VPS4B: variants seen among roughly 807,000 people sequenced by gnomAD.
VPS4B encodes the protein vacuolar protein sorting 4 homolog B, also known as vacuolar protein sorting-associated protein 4B.
A neutral mutation model predicts 56.1 loss-of-function variants in VPS4B; 23 were observed. That is an observed-to-expected ratio of 0.41 (90% CI 0.30 to 0.58). The LOEUF is 0.58. VPS4B is among the 20% of genes least tolerant of loss of function. VPS4B has a pLI of 0.29. For missense variants in VPS4B, 372 were observed against 531.9 expected (o/e 0.70, Z 2.96); for synonymous variants, 177 against 186.0 (o/e 0.95, Z 0.39).
intron 1 of VPS4B, 33 bp downstream of exon 1, chr18:63,422,200 C>A: frequency 6.8e-7 from 1 of 1,475,858 alleles, no homozygotes; most frequent in Non-Finnish European, 9.0e-7. Context: ...TCGATCCCAG[C>A]TCCCTAGGGG....
chr18:63,402,181 A>C (rs1915826716), intron 5 of VPS4B, among the ~76,000 whole-genome samples: 1 of 152,228 alleles, frequency 6.6e-6, no homozygotes, highest in Admixed American at 6.5e-5. Flanking sequence ...TCAGTGTCTG[A>C]GTATGGTACA....
chr18:63,399,173 C>T lies in VPS4B; in HGVS notation c.872+69G>A, dbSNP rs914002592. On this transcript the variant is annotated intron_variant, in intron 8 of 10. Transcript: ENST00000238497. ...GTTGTTAGAATGCTTCCTGACAAGA[C>T]AAAAAGAGAATTATCATCTACTTGT... 34 of 1,412,172 alleles carry T rather than the reference C, an allele frequency of 2.4e-5. No individual in the cohort carries two copies. The African/African-American group carries it at 3.4e-4, about 14-fold the overall frequency. 87.5% of individuals were successfully genotyped at this position (1,412,172 alleles called of 1,614,324 possible). A position where few individuals can be genotyped will look rare whatever the true frequency, so the allele number is the denominator to read the frequency against.
intron 1 of VPS4B, 28 bp from the exon 2 acceptor site, chr18:63,411,606 T>C: frequency 6.8e-7 from 1 of 1,472,912 alleles, no homozygotes; most frequent in Non-Finnish European, 9.1e-7. Flanking sequence ...AATAACAACA[T>C]TTAAATCAAA....
At position 63,389,743 on chromosome 18, in the gene VPS4B, T is replaced by A. The variant is rs1915501308; in HGVS notation, c.*1232A>T. Reference sequence around the variant, plus strand: ...AAAAGGTGAAGGACAAGACCCCATATTATTATCCTGTATTAAAAAAGGAAA... The same window carrying A: ...AAAAGGTGAAGGACAAGACCCCATAATATTATCCTGTATTAAAAAAGGAAA... On this transcript the variant is annotated 3_prime_UTR_variant, in exon 11 of 11. Coordinates refer to ENST00000238497, the MANE Select transcript of VPS4B (RefSeq NM_004869.4). The A allele has an allele frequency of 6.5e-6, 1 of 152,682 alleles. No individual in the cohort carries two copies. The highest frequency in any genetic ancestry group is 2.4e-5 in the African/African-American group (1 of 41,468). The allele number at this position is 152,682 out of a possible 1,614,324, so 9.5% of individuals were successfully genotyped here. A position where few individuals can be genotyped will look rare whatever the true frequency, so the allele number is the denominator to read the frequency against.
rs532297801 is a variant in VPS4B, at chr18:63,422,468, A to T, written c.-209T>A. ...TCCCCACCAAACTTCCGCAATCCCG[A>T]GGCCCTCTAGGTTCTGGTCCCGCCT... On this transcript the variant is annotated 5_prime_UTR_variant, in exon 1 of 11. Coordinates refer to ENST00000238497, the MANE Select transcript of VPS4B (RefSeq NM_004869.4). The T allele has an allele frequency of 1.5e-4, 62 of 400,698 alleles. No individual in the cohort carries two copies. Among genetic ancestry groups the T allele is most frequent in the African/African-American group, 1.2e-3 (60 of 48,344 alleles). 24.8% of individuals were successfully genotyped at this position (400,698 alleles called of 1,614,324 possible). A position where few individuals can be genotyped will look rare whatever the true frequency, so the allele number is the denominator to read the frequency against.
chr18:63,417,169 T>C (rs1481486302), intron 1 of VPS4B, among the ~76,000 whole-genome samples: 1 of 152,182 alleles, frequency 6.6e-6, no homozygotes, highest in Admixed American at 6.5e-5. Context: ...TTCTTAACAA[T>C]TTCTCTCCAC....
At chr18:63,401,504 T>G (rs1196312864) in intron 5 of VPS4B, among the ~76,000 whole-genome samples, 2 of 152,130 alleles carry the variant, frequency 1.3e-5, no homozygotes, top group African/African-American at 4.8e-5. Flanking sequence ...TCTGCCCACC[T>G]CAGCCTCCAG....
At chr18:63,411,390 A>G (rs1916039404) in intron 2 of VPS4B, 77 bp downstream of exon 2, 1 of 1,068,172 alleles carries the variant, frequency 9.4e-7, no homozygotes, top group Non-Finnish European at 1.2e-6. Context: ...CTGGCATTAT[A>G]TTTCAATTTT....
At chr18:63,413,561 T>C (rs1420921554) in intron 1 of VPS4B, among the ~76,000 whole-genome samples, 1 of 148,558 alleles carries the variant, frequency 6.7e-6, no homozygotes, top group Non-Finnish European at 1.5e-5. Flanking sequence ...AAAAAAATTA[T>C]GCACAGATAC....
chr18:63,411,824 C>A (rs1474766454), intron 1 of VPS4B, among the ~76,000 whole-genome samples: 2 of 152,178 alleles, frequency 1.3e-5, no homozygotes, highest in Non-Finnish European at 2.9e-5. Flanking sequence ...ATAAATGCTA[C>A]TGAATGTTAC....
Position 63,410,373 on chromosome 18 carries a change from T to C in VPS4B, c.213A>G (p.Lys71=), listed in dbSNP as rs372951935. The C allele has an allele frequency of 1.2e-6, 2 of 1,613,916 alleles. No homozygotes were observed. Among genetic ancestry groups the C allele is most frequent in the African/African-American group, 2.7e-5 (2 of 74,930 alleles). Residue 71 remains lysine, a synonymous_variant, in exon 3 of 11, where the codon AAA becomes AAG. Transcript: ENST00000238497. ...KCTEYLDRAE[K]LKEYLKNKEK... Reference sequence around the variant, plus strand: ...CTTTATTTTTCAGGTACTCCTTTAGTTTTTCTGCTCTATCAAGATATTCTG... The same window carrying C: ...CTTTATTTTTCAGGTACTCCTTTAGCTTTTCTGCTCTATCAAGATATTCTG...
chr18:63,398,566 G>A (rs890555544), intron 8 of VPS4B, among the ~76,000 whole-genome samples: 21 of 151,830 alleles, frequency 1.4e-4, no homozygotes, highest in African/African-American at 4.6e-4. Flanking sequence ...GGCTGGGCAC[G>A]GTGGCTCACA....
chr18:63,398,647 C>A (rs1426472233), intron 8 of VPS4B, among the ~76,000 whole-genome samples: 2 of 151,746 alleles, frequency 1.3e-5, no homozygotes, highest in Non-Finnish European at 2.9e-5. Flanking sequence ...ACCATCCTGG[C>A]CACATGATGA....
chr18:63,391,105 A>G, intron 10 of VPS4B, 29 bp from the exon 11 acceptor site: 1 of 1,406,190 alleles, frequency 7.1e-7, no homozygotes, highest in South Asian at 1.2e-5. Flanking sequence ...GGTAGGGAGG[A>G]TATTAATAAT....
intron 8 of VPS4B, among the ~76,000 whole-genome samples, chr18:63,398,516 G>A (rs1324101029): frequency 6.6e-6 from 1 of 151,402 alleles, no homozygotes; most frequent in African/African-American, 2.4e-5. Context: ...CACCACACCC[G>A]GCCTGACATA....
At chr18:63,418,754 A>G (rs965261220) in intron 1 of VPS4B, among the ~76,000 whole-genome samples, 2 of 151,920 alleles carry the variant, frequency 1.3e-5, no homozygotes, top group Admixed American at 1.3e-4. Flanking sequence ...TCTCTCCTTA[A>G]CTGTCGCTAA....
chr18:63,399,109 G>C, intron 8 of VPS4B, 133 bp downstream of exon 8: 2 of 681,618 alleles, frequency 2.9e-6, no homozygotes, highest in Non-Finnish European at 4.8e-6. Flanking sequence ...CAAGGCAGGG[G>C]AGCAACAGGG....
chr18:63,395,775 T>C (rs62099961), intron 9 of VPS4B, among the ~76,000 whole-genome samples: 5,437 of 152,310 alleles, frequency 0.036, 103 homozygotes, highest in African/African-American at 0.044. Flanking sequence ...CACAGCCTTC[T>C]TATAAAACTT....
chr18:63,418,563 C>T (rs1005393496), intron 1 of VPS4B, among the ~76,000 whole-genome samples: 19 of 152,112 alleles, frequency 1.2e-4, no homozygotes, highest in African/African-American at 4.6e-4. Flanking sequence ...GCATGCACCA[C>T]CACACCTGGC....
Sources: gnomAD v4.1 joint callset for allele counts (sites outside exome capture counted in the v4.1 genomes callset) on GRCh38, gnomAD v4.1.1 for gene constraint, MANE v1.5 for transcripts, NCBI Gene and HGNC (gene_info 2026-07-23, HGNC 2026-07-21) for gene names.